The following RCSD1 variants were observed in gnomAD, a reference collection of about 807,000 sequenced individuals.
RCSD1 encodes the protein RCSD domain containing 1.
In RCSD1, 26 loss-of-function variants were observed where a neutral mutation model predicts 42.5. That is an observed-to-expected ratio of 0.61 (90% CI 0.45 to 0.85). The LOEUF (loss-of-function observed/expected upper bound fraction) is 0.85. RCSD1 is among the 40% of genes least tolerant of loss of function. RCSD1 has a pLI of 0.00. For synonymous variants in RCSD1, 220 were observed against 212.2 expected (o/e 1.04, Z -0.32); for missense variants, 571 against 528.3 (o/e 1.08, Z -0.79).
chr1:167,698,535 C>T (rs554769706), intron 6 of RCSD1, among the ~76,000 whole-genome samples: 226 of 152,270 alleles, frequency 1.5e-3, no homozygotes, highest in Non-Finnish European at 2.4e-3. Flanking sequence ...CCTGCCTGGG[C>T]CTGCATTTAC....
chr1:167,652,005 T>C (rs1169107503), intron 1 of RCSD1, among the ~76,000 whole-genome samples: 3 of 146,034 alleles, frequency 2.1e-5, no homozygotes, highest in South Asian at 2.1e-4. Context: ...CCCAGGCTCC[T>C]GCCTCTGTTC....
intron 1 of RCSD1, among the ~76,000 whole-genome samples, chr1:167,634,470 A>G (rs1312492117): frequency 6.6e-6 from 1 of 152,136 alleles, no homozygotes; most frequent in Non-Finnish European, 1.5e-5. Flanking sequence ...CAAACCTGTT[A>G]TGATACAAAT....
intron 1 of RCSD1, among the ~76,000 whole-genome samples, chr1:167,632,516 G>A (rs1159877704): frequency 1.3e-5 from 2 of 152,266 alleles, no homozygotes; most frequent in East Asian, 3.9e-4. Context: ...TGTGTGGCTT[G>A]GGGGGTGGAG....
chr1:167,657,507 A>G (rs1658449666), intron 1 of RCSD1, among the ~76,000 whole-genome samples: 1 of 152,214 alleles, frequency 6.6e-6, no homozygotes, highest in Non-Finnish European at 1.5e-5. Flanking sequence ...ATTGACCTAA[A>G]TTTTGGTAAG....
At chr1:167,646,494 G>GAC (rs1658150321) in intron 1 of RCSD1, among the ~76,000 whole-genome samples, 3 of 133,842 alleles carry the variant, frequency 2.2e-5, no homozygotes, top group Non-Finnish European at 3.1e-5. Context: ...TTTTGTGTGA[G>GAC]ACTTAGAGTT....
chr1:167,658,664 C>G (rs1658478899), intron 1 of RCSD1, among the ~76,000 whole-genome samples: 1 of 152,082 alleles, frequency 6.6e-6, no homozygotes. Context: ...CTCCTGACCT[C>G]AAATGATCCA....
chr1:167,645,367 AG>A (rs1216892998), intron 1 of RCSD1, among the ~76,000 whole-genome samples: 2 of 152,184 alleles, frequency 1.3e-5, no homozygotes, highest in African/African-American at 4.8e-5. Flanking sequence ...GGATTCCTGG[AG>A]GGAGTAAAAT....
rs1659342109 is a variant in RCSD1 at position 167,690,140 on chromosome 1, T to A, written c.270+20T>A. Reference sequence around the variant, plus strand: ...CTTCAGGTAAGTGCAGAATTCATTGTCTATTGCTACCTTTTATCTAACTCC... The same window carrying A: ...CTTCAGGTAAGTGCAGAATTCATTGACTATTGCTACCTTTTATCTAACTCC... On this transcript the variant is annotated intron_variant, in intron 4 of 6. Transcript: ENST00000367854. 1 of 1,611,746 alleles carries A rather than the reference T, an allele frequency of 6.2e-7. No homozygotes were observed. The highest frequency in any genetic ancestry group is 1.3e-5 in the African/African-American group (1 of 74,976).
intron 4 of RCSD1, among the ~76,000 whole-genome samples, chr1:167,690,928 G>A (rs1360067495): frequency 6.6e-6 from 1 of 152,156 alleles, no homozygotes; most frequent in Non-Finnish European, 1.5e-5. Context: ...CCCAGGGCTG[G>A]CTGGCTCCCT....
At chr1:167,694,061 C>G in intron 4 of RCSD1, 38 bp from the exon 5 acceptor site, 1 of 1,602,714 alleles carries the variant, frequency 6.2e-7, no homozygotes, top group Non-Finnish European at 8.5e-7. Flanking sequence ...TGATCTTCTC[C>G]CTAGTCCTAT....
chr1:167,677,684 A>G (rs1658984771), intron 1 of RCSD1, among the ~76,000 whole-genome samples: 1 of 152,230 alleles, frequency 6.6e-6, no homozygotes, highest in African/African-American at 2.4e-5. Flanking sequence ...TAGCTCAGTG[A>G]ATCTGCATTT....
intron 1 of RCSD1, among the ~76,000 whole-genome samples, chr1:167,632,322 G>A (rs1657722279): frequency 6.6e-6 from 1 of 152,178 alleles, no homozygotes; most frequent in African/African-American, 2.4e-5. Context: ...GAAAAGGATT[G>A]GAGATAAGAG....
intron 1 of RCSD1, among the ~76,000 whole-genome samples, chr1:167,634,733 A>G (rs1201417560): frequency 6.6e-6 from 1 of 152,212 alleles, no homozygotes; most frequent in Non-Finnish European, 1.5e-5. Flanking sequence ...AAAGTCATAA[A>G]TTTCTAACTT....
At chr1:167,650,550 C>G (rs1264391974) in intron 1 of RCSD1, among the ~76,000 whole-genome samples, 1 of 152,162 alleles carries the variant, frequency 6.6e-6, no homozygotes, top group Non-Finnish European at 1.5e-5. Context: ...ACCCCAGAGG[C>G]CTACCAGGAG....
intron 1 of RCSD1, among the ~76,000 whole-genome samples, chr1:167,646,800 C>T (rs557951643): frequency 1.7e-4 from 26 of 152,274 alleles, no homozygotes; most frequent in Non-Finnish European, 2.9e-4. Context: ...ACTTCTGGGG[C>T]ATCGCCCAAA....
At chr1:167,672,694 A>G (rs1463397310) in intron 1 of RCSD1, among the ~76,000 whole-genome samples, 2 of 152,192 alleles carry the variant, frequency 1.3e-5, no homozygotes, top group Non-Finnish European at 2.9e-5. Context: ...GGCAGCCTTA[A>G]TTCCATCTGT....
In RCSD1 at chr1:167,645,331, G is replaced by A. The variant is rs114622976; in HGVS notation, c.6+14902G>A. Among the ~76,000 whole-genome samples the A allele has an allele frequency of 5.0e-3, 764 of 152,242 alleles. 4 individuals carry two copies. Among genetic ancestry groups the A allele is most frequent in the Middle Eastern group, 0.041 (12 of 294 alleles). On this transcript the variant is annotated intron_variant, in intron 1 of 6. Coordinates refer to ENST00000367854, the MANE Select transcript of RCSD1 (RefSeq NM_052862.4). ...GCATTTGTTCCACAAATATTTATTG[G>A]GCCTACTGTATGACAGATGCTGTCT... is the stretch of plus-strand genomic sequence containing the variant.
intron 1 of RCSD1, among the ~76,000 whole-genome samples, chr1:167,633,429 C>A (rs61806253): frequency 0.019 from 2,924 of 152,252 alleles, 45 homozygotes; most frequent in Non-Finnish European, 0.031. Flanking sequence ...AACATGCCAG[C>A]TTTGTCCAGC....
In RCSD1 at chr1:167,630,298, C is replaced by T; in HGVS notation, c.-126C>T. The T allele has an allele frequency of 9.1e-7, 1 of 1,101,002 alleles. No homozygotes were observed. 68.2% of individuals were successfully genotyped at this position (1,101,002 alleles called of 1,614,324 possible). On this transcript the variant is annotated 5_prime_UTR_variant, in exon 1 of 7. Transcript: ENST00000367854. ...GAGCGCAGCCGGGCGCGCGCCACCG[C>T]CCACTCGCCCTGTGCCCGCCGCAGC... is the stretch of plus-strand genomic sequence containing the variant.
Sources: gnomAD v4.1 joint callset for allele counts (sites outside exome capture counted in the v4.1 genomes callset) on GRCh38, gnomAD v4.1.1 for gene constraint, MANE v1.5 for transcripts, NCBI Gene and HGNC (gene_info 2026-07-23, HGNC 2026-07-21) for gene names.